The following MYO6 variants were observed in gnomAD, a reference collection of about 807,000 sequenced individuals.
MYO6 encodes the protein myosin VI, also known as unconventional myosin-VI.
Under a neutral mutation model 178.7 loss-of-function variants are expected in MYO6, and 74 were observed. That is an observed-to-expected ratio of 0.41 (90% CI 0.34 to 0.50). The LOEUF (loss-of-function observed/expected upper bound fraction) is 0.50. MYO6 is among the 20% of genes least tolerant of loss of function. The pLI, the probability that MYO6 is intolerant of heterozygous loss-of-function variation, is 0.09. For synonymous variants in MYO6, 477 were observed against 504.6 expected (o/e 0.95, Z 0.73); for missense variants, 1,330 against 1,547.4 (o/e 0.86, Z 2.36).
chr6:75,765,169 G>GTT (rs1778300161), intron 1 of MYO6, among the ~76,000 whole-genome samples: 1 of 112,618 alleles, frequency 8.9e-6, no homozygotes, highest in Non-Finnish European at 1.8e-5. Context: ...AAAAAAAAAA[G>GTT]CTTTTTTTTT....
chr6:75,830,685 A>T, intron 5 of MYO6, 140 bp downstream of exon 5: 1 of 815,240 alleles, frequency 1.2e-6, no homozygotes, highest in South Asian at 1.7e-5. Context: ...GGATATATCA[A>T]CATTGTTAGG....
chr6:75,754,128 A>C (rs771013592), intron 1 of MYO6, among the ~76,000 whole-genome samples: 2 of 152,240 alleles, frequency 1.3e-5, no homozygotes, highest in East Asian at 3.8e-4. Flanking sequence ...GTGTATATTC[A>C]CATGGGGTAA....
intron 1 of MYO6, among the ~76,000 whole-genome samples, chr6:75,756,243 A>AG (rs1019559574): frequency 6.6e-6 from 1 of 151,660 alleles, no homozygotes; most frequent in African/African-American, 2.4e-5. Flanking sequence ...AAAAAAAACA[A>AG]CAAGCAAGCA....
chr6:75,797,056 T>C (rs561922827), intron 1 of MYO6, among the ~76,000 whole-genome samples: 2 of 152,224 alleles, frequency 1.3e-5, no homozygotes, highest in East Asian at 3.9e-4. Context: ...AGGGCATGTG[T>C]CTTTTCTTTT....
chr6:75,879,254 GT>G, intron 20 of MYO6, among the ~76,000 whole-genome samples: 1 of 152,068 alleles, frequency 6.6e-6, no homozygotes. Context: ...GTTTTGTTTT[GT>G]TTTGTTTTGA....
chr6:75,864,558 A>G (rs1012739705), intron 16 of MYO6, among the ~76,000 whole-genome samples: 1 of 152,170 alleles, frequency 6.6e-6, no homozygotes, highest in African/African-American at 2.4e-5. Flanking sequence ...TGACCAGCCT[A>G]TGGATGCATG....
chr6:75,756,439 T>C (rs537629895), intron 1 of MYO6, among the ~76,000 whole-genome samples: 1 of 152,278 alleles, frequency 6.6e-6, no homozygotes, highest in South Asian at 2.1e-4. Context: ...TTCAAGCGAT[T>C]CCCCTGCCTC....
chr6:75,815,894 A>G (rs952992243), intron 1 of MYO6, among the ~76,000 whole-genome samples: 8 of 152,244 alleles, frequency 5.3e-5, no homozygotes, highest in African/African-American at 1.2e-4. Context: ...GTGCCTGTCA[A>G]GATGACATCT....
chr6:75,858,894 A>G lies in MYO6; in HGVS notation c.1382-8A>G. 2 of 1,569,242 alleles carry G rather than the reference A, an allele frequency of 1.3e-6. No homozygotes were observed. The highest frequency in any genetic ancestry group is 1.8e-6 in the Non-Finnish European group (2 of 1,141,556). ...TAATGACTCTTGGTTCTGGTTTTAT[A>G]TTTTCAGAGTACTTTGAGCATAACA... On this transcript the variant is annotated splice_region_variant and splice_polypyrimidine_tract_variant and intron_variant, in intron 13 of 34. Transcript: ENST00000369977.
At chr6:75,771,260 C>G (rs765728918) in intron 1 of MYO6, among the ~76,000 whole-genome samples, 1 of 152,160 alleles carries the variant, frequency 6.6e-6, no homozygotes, top group Non-Finnish European at 1.5e-5. Context: ...CCTTGGCCTC[C>G]CAAAGTGCTG....
At chr6:75,854,985 A>G (rs946721737) in intron 11 of MYO6, among the ~76,000 whole-genome samples, 154 bp from the exon 12 acceptor site, 1 of 152,196 alleles carries the variant, frequency 6.6e-6, no homozygotes, top group African/African-American at 2.4e-5. Context: ...GTGTTTGACA[A>G]GGATAGTGAA....
intron 4 of MYO6, 21 bp from the exon 5 acceptor site, chr6:75,830,395 G>T (rs79662925): frequency 1.2e-6 from 2 of 1,602,594 alleles, no homozygotes; most frequent in South Asian, 2.2e-5. Context: ...AATATTTTAT[G>T]TTTATGCTTT....
intron 1 of MYO6, among the ~76,000 whole-genome samples, chr6:75,789,700 G>A (rs1768037211): frequency 6.6e-6 from 1 of 152,054 alleles, no homozygotes; most frequent in Non-Finnish European, 1.5e-5. Context: ...GTAGTATAAT[G>A]ATCAAAGTAT....
chr6:75,843,291 G>A (rs1774418379), intron 9 of MYO6, among the ~76,000 whole-genome samples: 1 of 152,166 alleles, frequency 6.6e-6, no homozygotes, highest in Non-Finnish European at 1.5e-5. Flanking sequence ...AGTATGTAAA[G>A]AATTGTGGAT....
intron 20 of MYO6, among the ~76,000 whole-genome samples, chr6:75,877,697 A>G (rs1562276098): frequency 6.6e-6 from 1 of 152,092 alleles, no homozygotes; most frequent in Non-Finnish European, 1.5e-5. Flanking sequence ...CCAGCTCTGC[A>G]CCGAGAAGCC....
intron 11 of MYO6, among the ~76,000 whole-genome samples, chr6:75,850,592 G>A (rs2150286909): frequency 6.6e-6 from 1 of 152,310 alleles, no homozygotes; most frequent in South Asian, 2.1e-4. Context: ...CTAATGTTCT[G>A]TAATGCTGTG....
At position 75,804,879 on chromosome 6, in the gene MYO6, T is replaced by TATAC. The variant is rs1554199303; in HGVS notation, c.-47-12621_-47-12620insTACA. On this transcript the variant is annotated intron_variant, in intron 1 of 34. Coordinates refer to ENST00000369977, the MANE Select transcript of MYO6 (RefSeq NM_004999.4). ...ACACATATATATGCGCATATATATA[T>TATAC]ACACACACACACATATATATACATA... Among the ~76,000 whole-genome samples the TATAC allele has an allele frequency of 2.1e-3, 306 of 146,820 alleles. 3 individuals are homozygous for TATAC. Among genetic ancestry groups the TATAC allele is most frequent in the Non-Finnish European group, 3.3e-3 (225 of 67,310 alleles).
At chr6:75,823,975 A>G (rs1772174895) in intron 3 of MYO6, among the ~76,000 whole-genome samples, 1 of 152,196 alleles carries the variant, frequency 6.6e-6, no homozygotes, top group African/African-American at 2.4e-5. Context: ...ATTGCTGGAG[A>G]GTTTGTCTGA....
chr6:75,778,453 C>T (rs935673724), intron 1 of MYO6, among the ~76,000 whole-genome samples: 5 of 152,082 alleles, frequency 3.3e-5, no homozygotes, highest in South Asian at 4.2e-4. Flanking sequence ...AAAAATTAGC[C>T]GGGCGTGATG....
Sources: gnomAD v4.1 joint callset for allele counts (sites outside exome capture counted in the v4.1 genomes callset) on GRCh38, gnomAD v4.1.1 for gene constraint, MANE v1.5 for transcripts, NCBI Gene and HGNC (gene_info 2026-07-23, HGNC 2026-07-21) for gene names.